The following PRKD3 variants were observed in gnomAD, a reference collection of about 807,000 sequenced individuals.
The protein encoded by PRKD3 is protein kinase D3, also known as serine/threonine-protein kinase D3.
PRKD3 carries 47 observed loss-of-function variants against 99.2 expected under a neutral mutation model. The ratio of observed to expected loss-of-function variants is 0.47; its 90% confidence interval spans 0.38 to 0.60. The LOEUF (loss-of-function observed/expected upper bound fraction) is 0.60. PRKD3 is among the 20% of genes least tolerant of loss of function. PRKD3 has a pLI of 0.00. For synonymous variants in PRKD3, 392 were observed against 355.4 expected (o/e 1.10, Z -1.16); for missense variants, 1,019 against 1,088.4 (o/e 0.94, Z 0.90).
Position 37,260,374 on chromosome 2 carries a change from T to A in PRKD3, c.1895A>T (p.His632Leu), listed in dbSNP as rs1055767104. ...ACATTCCAGGTTTACAATCCCAGGA[T>A]GGTGCAAATTCTGAAGAGAGGTTGC... ...NEVAILQNLH[H>L]PGIVNLECMF... The change falls in exon 15 of 19, where the codon CAT becomes CTT. Residue 632 changes from histidine (H) to leucine (L), a missense_variant. Physicochemically the swap from His to Leu is moderately conservative, Grantham distance 99 (BLOSUM62 -3). Around this residue, in one of 3 missense-constraint regions of PRKD3, gnomAD observed 184 missense variants for 275.1 expected, o/e 0.67. Coordinates refer to ENST00000234179, the MANE Select transcript of PRKD3 (RefSeq NM_005813.6). 11 of 1,611,146 alleles carry A rather than the reference T, an allele frequency of 6.8e-6. No homozygotes were observed. In the Admixed American group the frequency reaches 1.3e-4, roughly 20 times the overall value.
At position 37,316,454 on chromosome 2, in the gene PRKD3, G is replaced by C. The variant is rs767502129; in HGVS notation, c.71C>G (p.Pro24Arg). Residue 24 changes from proline (P) to arginine (R), a missense_variant, in exon 2 of 19, where the codon CCA becomes CGA. Physicochemically the swap from Pro to Arg is moderately radical, Grantham distance 103. Around this residue, in one of 3 missense-constraint regions of PRKD3, gnomAD observed 710 missense variants for 692.7 expected, o/e 1.02. Transcript: ENST00000234179. ...AGGACTTGAACACGGAGAAGCAGCTGGAAGCACAGCAGGAATAGCTGTGGG... is the reference window on the plus strand; with the variant it reads ...AGGACTTGAACACGGAGAAGCAGCTCGAAGCACAGCAGGAATAGCTGTGGG... ...VLPTAIPAVLPAASPCSSPKT... is the reference protein window; with the variant it reads ...VLPTAIPAVLRAASPCSSPKT... The C allele has an allele frequency of 1.2e-6, 2 of 1,614,240 alleles. No homozygotes were observed. Among genetic ancestry groups the C allele is most frequent in the East Asian group, 4.5e-5 (2 of 44,890 alleles).
chr2:37,289,562 T>G, intron 4 of PRKD3, 49 bp from the exon 5 acceptor site: 15 of 1,436,856 alleles, frequency 1.0e-5, no homozygotes, highest in Non-Finnish European at 1.4e-5. Flanking sequence ...AAAAATTTAC[T>G]ATTTAAGTGT....
intron 3 of PRKD3, 52 bp downstream of exon 3, chr2:37,293,081 A>G: frequency 6.7e-7 from 1 of 1,483,490 alleles, no homozygotes; most frequent in African/African-American, 1.4e-5. Flanking sequence ...AGTACAGAAA[A>G]TTAGGCTCTT....
rs762340219 is a variant in PRKD3, at chr2:37,316,335, G to A, written c.190C>T (p.Leu64=). The change falls in exon 2 of 19, where the codon CTG becomes TTG. Residue 64 remains leucine (L), a synonymous_variant. Transcript: ENST00000234179. ...RGSVHTVSFL[L]QIGLTRESVT... ...CTCTCCCGTGTGAGGCCAATTTGCA[G>A]TAGAAATGAAACTGTATGCACTGAG... 11 of 1,614,118 alleles carry A rather than the reference G, an allele frequency of 6.8e-6. No homozygotes were observed. The South Asian group carries it at 1.1e-4, about 16-fold the overall frequency.
rs749788215 is a variant in PRKD3 at position 37,254,290 on chromosome 2, C to CT, written c.2414-2dup. The CT allele has an allele frequency of 2.5e-6, 4 of 1,611,324 alleles. No individual in the cohort carries two copies. Among genetic ancestry groups the CT allele is most frequent in the Non-Finnish European group, 3.4e-6 (4 of 1,177,660 alleles). Reference sequence around the variant, plus strand: ...AGCAGATTGTTTATCAGATCAATTGCTAAGGGAAAAGACAAAACAAGATAC... The same window carrying CT: ...AGCAGATTGTTTATCAGATCAATTGCTTAAGGGAAAAGACAAAACAAGATAC... On this transcript the variant is annotated splice_acceptor_variant, in intron 17 of 18. Transcript: ENST00000234179. LOFTEE classifies it high-confidence loss of function.
chr2:37,262,122 G>A (rs934605202), intron 14 of PRKD3, among the ~76,000 whole-genome samples: 5 of 152,060 alleles, frequency 3.3e-5, no homozygotes, highest in Admixed American at 1.3e-4. Context: ...TGACCCCGTC[G>A]CAAAATGAGG....
chr2:37,254,159 C>G (rs1209315534), intron 18 of PRKD3, 45 bp downstream of exon 18: 3 of 1,402,696 alleles, frequency 2.1e-6, no homozygotes, highest in Non-Finnish European at 3.0e-6. Context: ...TCAGAGTGAA[C>G]TACTCAAATG....
At chr2:37,268,037 T>C (rs1455258116) in intron 13 of PRKD3, 2 of 197,330 alleles carry the variant, frequency 1.0e-5, no homozygotes, top group African/African-American at 4.8e-5. Context: ...AAGTTTATTA[T>C]AATGAACAGT....
chr2:37,303,896 C>T (rs1045959936), intron 2 of PRKD3, among the ~76,000 whole-genome samples: 3 of 152,120 alleles, frequency 2.0e-5, no homozygotes, highest in Non-Finnish European at 4.4e-5. Flanking sequence ...AACATACACA[C>T]AACCCACATA....
chr2:37,309,000 T>A (rs1671297841), intron 2 of PRKD3, among the ~76,000 whole-genome samples: 1 of 152,098 alleles, frequency 6.6e-6, no homozygotes, highest in Non-Finnish European at 1.5e-5. Context: ...TGACTATTTT[T>A]CCTCCAGATA....
At chr2:37,262,676 CT>C (rs376908190) in intron 14 of PRKD3, among the ~76,000 whole-genome samples, 3,954 of 140,426 alleles carry the variant, frequency 0.028, 160 homozygotes, top group African/African-American at 0.1. Context: ...TGGCTCTATG[CT>C]TTTTCCCCCC....
intron 2 of PRKD3, among the ~76,000 whole-genome samples, chr2:37,313,103 C>A (rs191100310): frequency 6.6e-6 from 1 of 152,178 alleles, no homozygotes; most frequent in Admixed American, 6.5e-5. Flanking sequence ...TAAACTAGAA[C>A]AGGGATTTCC....
intron 16 of PRKD3, among the ~76,000 whole-genome samples, chr2:37,257,505 G>T (rs907424669): frequency 6.6e-6 from 1 of 151,604 alleles, no homozygotes; most frequent in African/African-American, 2.4e-5. Flanking sequence ...CTCTACTGAA[G>T]ATACAAAAAA....
chr2:37,302,237 T>G (rs1003346348), intron 2 of PRKD3, among the ~76,000 whole-genome samples: 1 of 152,004 alleles, frequency 6.6e-6, no homozygotes, highest in South Asian at 2.1e-4. Context: ...TTCCAACTGT[T>G]CCCCCATCCC....
Position 37,256,793 on chromosome 2 carries a change from G to T in PRKD3, c.2282C>A (p.Ser761Ter). 1.2e-6 allele frequency: 2 copies of T among 1,613,908 alleles called. No homozygotes were observed. The highest frequency in any genetic ancestry group is 1.1e-5 in the South Asian group (1 of 91,046). Reference protein sequence around the residue: ...KGYNRSLDMWSVGVIIYVSLS... With the variant: ...KGYNRSLDMW ...GCTCACATAGATGATAACTCCCACT[G>T]ACCACATATCTAGGGAACGGTTGTA... The change falls in exon 17 of 19, where the codon TCA becomes TAA. Residue 761 changes from serine (S) to a stop codon, truncating the protein, a stop_gained. Transcript: ENST00000234179. LOFTEE classifies it high-confidence loss of function.
intron 2 of PRKD3, among the ~76,000 whole-genome samples, chr2:37,315,165 AATTC>A (rs1671604620): frequency 6.6e-6 from 1 of 152,234 alleles, no homozygotes; most frequent in African/African-American, 2.4e-5. Context: ...CATGCTTGAA[AATTC>A]ATTAAAATCT....
chr2:37,322,654 C>G (rs1384481239), intron 1 of PRKD3, among the ~76,000 whole-genome samples: 1 of 152,170 alleles, frequency 6.6e-6, no homozygotes, highest in Admixed American at 6.5e-5. Flanking sequence ...CATACTGCCA[C>G]AATAAACTAA....
intron 9 of PRKD3, 21 bp downstream of exon 9, chr2:37,277,845 C>G (rs1369950461): frequency 1.2e-6 from 2 of 1,606,702 alleles, no homozygotes; most frequent in Non-Finnish European, 8.5e-7. Flanking sequence ...CTAGCATATT[C>G]AAATGTATTT....
rs1204971590 is a variant in PRKD3, at chr2:37,282,526, A to G, written c.988+16T>C. 6 of 1,510,404 alleles carry G rather than the reference A, an allele frequency of 4.0e-6. No individual in the cohort carries two copies. The highest frequency in any genetic ancestry group is 2.3e-5 in the East Asian group (1 of 44,328). The allele number at this position is 1,510,404 out of a possible 1,614,324, so 93.6% of individuals were successfully genotyped here. A position where few individuals can be genotyped will look rare whatever the true frequency, so the allele number is the denominator to read the frequency against. ...CTTTTCTGATCTTTCACAAAAATTA[A>G]GAAAAATAATTTTACCTCCATTGAA... On this transcript the variant is annotated intron_variant, in intron 7 of 18. Coordinates refer to ENST00000234179, the MANE Select transcript of PRKD3 (RefSeq NM_005813.6).
Sources: allele counts gnomAD v4.1 joint callset (sites outside exome capture counted in the v4.1 genomes callset), GRCh38; gene constraint gnomAD v4.1.1; regional missense constraint gnomAD v4.1.1; transcripts MANE v1.5; gene names NCBI Gene and HGNC (gene_info 2026-07-23, HGNC 2026-07-21).